Variants in GALNTL6 observed in about 807,000 individuals in gnomAD.
GALNTL6 encodes polypeptide N-acetylgalactosaminyltransferase-like 6.
GALNTL6 carries 46 observed loss-of-function variants against 73.7 expected under a neutral mutation model. That is an observed-to-expected ratio of 0.62 (90% confidence interval 0.49 to 0.80). The LOEUF (loss-of-function observed/expected upper bound fraction) is 0.80. Ranked by LOEUF, GALNTL6 falls within the 30% of genes least tolerant of loss-of-function variation. The probability of loss-of-function intolerance (pLI) is 0.00; values close to 1 mark genes in which losing one functional copy is unlikely to be tolerated. For synonymous variants in GALNTL6, 259 were observed against 263.7 expected (o/e 0.98, Z 0.17); for missense variants, 604 against 755.0 (o/e 0.80, Z 2.34).
intron 5 of GALNTL6, among the ~76,000 whole-genome samples, chr4:172,599,788 A>G (rs565874461): frequency 6.6e-6 from 1 of 152,064 alleles, no homozygotes; most frequent in South Asian, 2.1e-4. Context: ...TAAGGGGAAA[A>G]CCTTCAATGA....
intron 2 of GALNTL6, among the ~76,000 whole-genome samples, chr4:171,833,841 A>T (rs1043800095): frequency 6.6e-6 from 1 of 151,826 alleles, no homozygotes; most frequent in Admixed American, 6.6e-5. Flanking sequence ...TTCCTATCAA[A>T]TAGCTACATT....
rs1269651235 is a variant in GALNTL6, at chr4:172,069,468, CAT to C, written c.139-160183_139-160182del. ...TATGTAATATATAACACACATATAA[CAT>C]ATATGTTATATATAACACATATGTT... On this transcript the variant is annotated intron_variant, in intron 2 of 12. Coordinates refer to ENST00000506823, the MANE Select transcript of GALNTL6 (RefSeq NM_001034845.3). Among the ~76,000 whole-genome samples, 12 of 49,658 alleles carry C rather than the reference CAT, an allele frequency of 2.4e-4. 3 individuals are homozygous for C. The South Asian group carries it at 3.0e-3, about 12-fold the overall frequency. 32.6% of individuals were successfully genotyped at this position (49,658 alleles called of 152,430 possible). A position where few individuals can be genotyped will look rare whatever the true frequency, so the allele number is the denominator to read the frequency against.
At chr4:172,543,619 C>T (rs1322802747) in intron 5 of GALNTL6, among the ~76,000 whole-genome samples, 3 of 152,104 alleles carry the variant, frequency 2.0e-5, no homozygotes, top group Non-Finnish European at 4.4e-5. Flanking sequence ...CACAAGTTTT[C>T]AAAAGTAAAT....
At chr4:172,123,015 C>T in intron 2 of GALNTL6, among the ~76,000 whole-genome samples, 1 of 152,174 alleles carries the variant, frequency 6.6e-6, no homozygotes, top group Admixed American at 6.5e-5. Context: ...TTTCTCTTTA[C>T]ATTGATCAGA....
intron 2 of GALNTL6, among the ~76,000 whole-genome samples, chr4:172,030,639 G>A (rs1456632447): frequency 6.6e-6 from 1 of 152,032 alleles, no homozygotes; most frequent in Admixed American, 6.6e-5. Context: ...GATCCCAAGA[G>A]GCAGAGGTTG....
At chr4:172,082,955 A>G (rs1370223309) in intron 2 of GALNTL6, among the ~76,000 whole-genome samples, 2 of 152,108 alleles carry the variant, frequency 1.3e-5, no homozygotes, top group African/African-American at 2.4e-5. Flanking sequence ...TTTTGGTGTT[A>G]TAAGTTAATG....
chr4:172,075,771 C>CAG (rs150769265), intron 2 of GALNTL6, among the ~76,000 whole-genome samples: 16,725 of 149,284 alleles, frequency 0.11, 1,142 homozygotes, highest in East Asian at 0.24. Flanking sequence ...GGGACAAAGA[C>CAG]AGAGAGAGAG....
intron 10 of GALNTL6, among the ~76,000 whole-genome samples, chr4:172,995,335 C>T (rs1366965596): frequency 3.9e-5 from 6 of 152,232 alleles, no homozygotes; most frequent in African/African-American, 7.2e-5. Context: ...TGACCAGCCA[C>T]GTCCAGCTTG....
intron 5 of GALNTL6, among the ~76,000 whole-genome samples, chr4:172,525,059 CA>C (rs1443187930): frequency 6.6e-6 from 1 of 152,102 alleles, no homozygotes; most frequent in East Asian, 1.9e-4. Flanking sequence ...TATTGCTTTG[CA>C]GTTACATAAA....
intron 5 of GALNTL6, among the ~76,000 whole-genome samples, chr4:172,620,891 A>AAATCTACATAAATGG (rs1738926654): frequency 6.6e-6 from 1 of 152,204 alleles, no homozygotes; most frequent in Non-Finnish European, 1.5e-5. Flanking sequence ...TTCCTGAACC[A>AAATCTACATAAATGG]AACTCTGGTT....
chr4:172,138,377 G>A (rs1162723056), intron 2 of GALNTL6, among the ~76,000 whole-genome samples: 11 of 141,508 alleles, frequency 7.8e-5, no homozygotes, highest in South Asian at 2.2e-4. Context: ...TCGTTTTATC[G>A]AGGTTCATTA....
chr4:172,311,603 T>C lies in GALNTL6; in HGVS notation c.248-11T>C, dbSNP rs1286585386. ...TAGAGATGATAATCTCATTTTGTTTTCTCCTGCTAGGGAAAGGTGAACATG... is the reference window on the plus strand; with the variant it reads ...TAGAGATGATAATCTCATTTTGTTTCCTCCTGCTAGGGAAAGGTGAACATG... On this transcript the variant is annotated splice_polypyrimidine_tract_variant and intron_variant, in intron 3 of 12. Coordinates refer to ENST00000506823, the MANE Select transcript of GALNTL6 (RefSeq NM_001034845.3). 6.3e-7 allele frequency: 1 copy of C among 1,590,752 alleles called. No homozygotes were observed.
chr4:171,934,545 C>G (rs542965742), intron 2 of GALNTL6, among the ~76,000 whole-genome samples: 1 of 152,090 alleles, frequency 6.6e-6, no homozygotes, highest in Non-Finnish European at 1.5e-5. Flanking sequence ...TCCCAAGTAC[C>G]TGGGACTACA....
At chr4:172,416,109 T>C (rs1229864638) in intron 5 of GALNTL6, among the ~76,000 whole-genome samples, 2 of 152,180 alleles carry the variant, frequency 1.3e-5, no homozygotes, top group African/African-American at 4.8e-5. Context: ...GGGGATACGA[T>C]TCAATAAAAG....
At chr4:171,910,482 T>A (rs1285727067) in intron 2 of GALNTL6, among the ~76,000 whole-genome samples, 1 of 152,096 alleles carries the variant, frequency 6.6e-6, no homozygotes, top group East Asian at 1.9e-4. Context: ...TTTGTAAAAT[T>A]TGGAAATGTC....
At chr4:172,167,591 T>G (rs1734667668) in intron 2 of GALNTL6, among the ~76,000 whole-genome samples, 1 of 152,230 alleles carries the variant, frequency 6.6e-6, no homozygotes, top group South Asian at 2.1e-4. Context: ...ATATGTGGCC[T>G]GTAAATGGAG....
intron 5 of GALNTL6, among the ~76,000 whole-genome samples, chr4:172,622,246 A>G (rs757250556): frequency 1.4e-4 from 21 of 152,232 alleles, no homozygotes; most frequent in Non-Finnish European, 2.4e-4. Flanking sequence ...AATCATAAAT[A>G]AAATAATTCA....
chr4:172,547,842 G>A (rs914366054), intron 5 of GALNTL6, among the ~76,000 whole-genome samples: 3 of 152,164 alleles, frequency 2.0e-5, no homozygotes, highest in Admixed American at 6.6e-5. Flanking sequence ...TGCCCACTGT[G>A]CTAAGTCAAC....
intron 2 of GALNTL6, among the ~76,000 whole-genome samples, chr4:171,922,092 G>GT (rs1366078930): frequency 8.6e-5 from 13 of 151,238 alleles, no homozygotes; most frequent in African/African-American, 3.1e-4. Flanking sequence ...GTGTGTGTGT[G>GT]GTGTGTGTGT....
Sources: gnomAD v4.1 joint callset for allele counts (sites outside exome capture counted in the v4.1 genomes callset) on GRCh38, gnomAD v4.1.1 for gene constraint, MANE v1.5 for transcripts, NCBI Gene and HGNC (gene_info 2026-07-23, HGNC 2026-07-21) for gene names.